The following CTNNA3 variants were observed in gnomAD, a reference collection of about 807,000 sequenced individuals.
CTNNA3 encodes the protein catenin alpha-3.
A neutral mutation model predicts 95.7 loss-of-function variants in CTNNA3; 76 were observed. That is an observed-to-expected ratio of 0.79 (90% confidence interval 0.66 to 0.96). The LOEUF is 0.96. Among genes scored for constraint, CTNNA3 ranks in the 40% least tolerant of loss-of-function variants. The probability of loss-of-function intolerance (pLI) is 0.00; values close to 1 mark genes in which losing one functional copy is unlikely to be tolerated. For missense variants in CTNNA3, 1,191 were observed against 1,089.8 expected (o/e 1.09, Z -1.31); for synonymous variants, 431 against 374.4 (o/e 1.15, Z -1.74).
rs1211034279 is a variant in CTNNA3, at chr10:66,282,653, G to A, written c.1733-2032C>T. ...CCATCCACAGCATAGTTCTTCCCAT[G>A]TCTAAATTCTGCTCATTCTCAGGTT... is the stretch of plus-strand genomic sequence containing the variant. On this transcript the variant is annotated intron_variant, in intron 12 of 17. Transcript: ENST00000433211. 3.3e-5 allele frequency among the ~76,000 whole-genome samples: 5 copies of A among 151,732 alleles called. No individual in the cohort carries two copies. The South Asian group carries it at 6.2e-4, about 19-fold the overall frequency.
intron 11 of CTNNA3, among the ~76,000 whole-genome samples, chr10:66,396,184 A>G (rs2092975259): frequency 2.0e-5 from 3 of 152,064 alleles, no homozygotes; most frequent in Non-Finnish European, 2.9e-5. Flanking sequence ...ATCAAATAAT[A>G]GAATACAAAG....
intron 7 of CTNNA3, among the ~76,000 whole-genome samples, chr10:66,951,318 G>A (rs939401770): frequency 2.0e-5 from 3 of 151,998 alleles, no homozygotes; most frequent in Admixed American, 6.6e-5. Flanking sequence ...GTTTCACCAT[G>A]TTGGCCAGGC....
At chr10:65,933,266 A>G (rs145689410) in intron 17 of CTNNA3, among the ~76,000 whole-genome samples, 182 of 152,296 alleles carry the variant, frequency 1.2e-3, no homozygotes, top group Admixed American at 2.4e-3. Context: ...GTCTCACAAG[A>G]GCCATAATTT....
intron 17 of CTNNA3, among the ~76,000 whole-genome samples, chr10:65,942,677 G>C (rs2077448042): frequency 6.6e-6 from 1 of 152,102 alleles, no homozygotes; most frequent in Non-Finnish European, 1.5e-5. Flanking sequence ...AAGAGAATAA[G>C]AACTGAAAAA....
At chr10:67,259,631 T>TTGCTGCC (rs908972064) in intron 5 of CTNNA3, among the ~76,000 whole-genome samples, 57 of 152,246 alleles carry the variant, frequency 3.7e-4, no homozygotes, top group Non-Finnish European at 7.8e-4. Flanking sequence ...GTCCCTGAGG[T>TTGCTGCC]TGCTGCCTGC....
intron 7 of CTNNA3, among the ~76,000 whole-genome samples, chr10:67,042,523 G>A (rs953296991): frequency 1.3e-5 from 2 of 151,950 alleles, no homozygotes; most frequent in Non-Finnish European, 2.9e-5. Flanking sequence ...AAGACATAGA[G>A]TGTGGCAGTG....
At chr10:67,481,908 C>T (rs1452283870) in intron 5 of CTNNA3, among the ~76,000 whole-genome samples, 2 of 151,812 alleles carry the variant, frequency 1.3e-5, no homozygotes, top group East Asian at 1.9e-4. Flanking sequence ...TTTAATCCAT[C>T]GTGAATTGAT....
At chr10:67,646,392 A>T (rs1385081419) in intron 2 of CTNNA3, among the ~76,000 whole-genome samples, 1 of 151,988 alleles carries the variant, frequency 6.6e-6, no homozygotes, top group African/African-American at 2.4e-5. Flanking sequence ...GTCATCTAGT[A>T]TAAATTTCAC....
chr10:66,084,336 A>G (rs887401545), intron 14 of CTNNA3, among the ~76,000 whole-genome samples: 1 of 152,000 alleles, frequency 6.6e-6, no homozygotes, highest in African/African-American at 2.4e-5. Flanking sequence ...TTATCAAAAT[A>G]ATTCATGTAC....
At chr10:67,661,172 C>G (rs1175211849) in intron 1 of CTNNA3, among the ~76,000 whole-genome samples, 1 of 151,230 alleles carries the variant, frequency 6.6e-6, no homozygotes, top group Admixed American at 6.6e-5. Context: ...TTTTAGGACT[C>G]TACCACAAAT....
intron 1 of CTNNA3, among the ~76,000 whole-genome samples, chr10:67,711,649 T>C (rs1310619559): frequency 6.6e-6 from 1 of 151,864 alleles, no homozygotes; most frequent in Non-Finnish European, 1.5e-5. Flanking sequence ...TAGTTACATA[T>C]GTATACATGT....
At chr10:67,240,413 G>C (rs1865673168) in intron 5 of CTNNA3, among the ~76,000 whole-genome samples, 1 of 152,076 alleles carries the variant, frequency 6.6e-6, no homozygotes, top group African/African-American at 2.4e-5. Flanking sequence ...TGGAAACTTA[G>C]TCTTAACTGA....
chr10:67,747,566 C>G (rs1266031134), intron 1 of CTNNA3, among the ~76,000 whole-genome samples: 1 of 152,136 alleles, frequency 6.6e-6, no homozygotes. Context: ...AAAGCAGCAA[C>G]AGCATCAACA....
intron 5 of CTNNA3, among the ~76,000 whole-genome samples, chr10:67,336,442 A>G (rs567114411): frequency 1.3e-5 from 2 of 152,358 alleles, no homozygotes; most frequent in South Asian, 4.1e-4. Context: ...ATTTAGGGAA[A>G]GAAGTTTCCT....
intron 7 of CTNNA3, among the ~76,000 whole-genome samples, chr10:67,094,490 GA>G (rs975554197): frequency 1.3e-5 from 2 of 151,660 alleles, no homozygotes; most frequent in Admixed American, 1.3e-4. Flanking sequence ...TAATTAAAAA[GA>G]AAATTACTGG....
At chr10:67,200,452 T>G (rs1013797194) in intron 6 of CTNNA3, among the ~76,000 whole-genome samples, 1 of 152,184 alleles carries the variant, frequency 6.6e-6, no homozygotes, top group Non-Finnish European at 1.5e-5. Flanking sequence ...AGATTCTTGG[T>G]TGATACTGCC....
chr10:67,349,039 T>C (rs1427954029), intron 5 of CTNNA3, among the ~76,000 whole-genome samples: 3 of 152,120 alleles, frequency 2.0e-5, no homozygotes, highest in Admixed American at 6.6e-5. Context: ...ATGGCTATTA[T>C]CAAAAAGATG....
At chr10:67,726,789 TATG>T (rs531683982) in intron 1 of CTNNA3, among the ~76,000 whole-genome samples, 8,300 of 102,218 alleles carry the variant, frequency 0.081, 811 homozygotes, top group African/African-American at 0.24. Flanking sequence ...TATAAATATA[TATG>T]ATATTATATA....
At chr10:66,359,241 T>C (rs767105719) in intron 12 of CTNNA3, among the ~76,000 whole-genome samples, 10 of 151,516 alleles carry the variant, frequency 6.6e-5, no homozygotes, top group Non-Finnish European at 1.2e-4. Context: ...TGTTGATAGA[T>C]AGGAGGTCGT....
Sources: allele counts gnomAD v4.1 joint callset (sites outside exome capture counted in the v4.1 genomes callset), GRCh38; gene constraint gnomAD v4.1.1; transcripts MANE v1.5; gene names NCBI Gene and HGNC (gene_info 2026-07-23, HGNC 2026-07-21).